Variants in ZNF253 observed in about 807,000 individuals in gnomAD.
The protein encoded by ZNF253 is DNA-binding protein.
In ZNF253, 8 loss-of-function variants were observed where a neutral mutation model predicts 11.9. The ratio of observed to expected loss-of-function variants is 0.67; its 90% CI spans 0.40 to 1.22. The LOEUF (loss-of-function observed/expected upper bound fraction) is 1.22. Ranked by LOEUF, ZNF253 falls within the 50% of genes most tolerant of loss-of-function variation. The probability of loss-of-function intolerance (pLI) is 0.01; values close to 1 mark genes in which losing one functional copy is unlikely to be tolerated. For synonymous variants in ZNF253, 194 were observed against 194.9 expected, an observed-to-expected ratio of 1.00 and a Z score of 0.04; for missense variants, 485 against 586.9, an observed-to-expected ratio of 0.83 and a Z score of 1.79.
chr19:19,874,960 A>C (rs1057417288), intron 1 of ZNF253, among the ~76,000 whole-genome samples: 1 of 152,222 alleles, frequency 6.6e-6, no homozygotes, highest in African/African-American at 2.4e-5. Flanking sequence ...AGTTTCTTTT[A>C]GATAAGCTTA....
chr19:19,885,681 G>A (rs967885957), intron 3 of ZNF253, among the ~76,000 whole-genome samples: 21 of 152,116 alleles, frequency 1.4e-4, no homozygotes, highest in African/African-American at 4.1e-4. Context: ...ATCAGCCACC[G>A]TGCCCGGCTT....
intron 3 of ZNF253, among the ~76,000 whole-genome samples, chr19:19,882,270 A>G (rs540666376): frequency 2.0e-5 from 3 of 152,174 alleles, no homozygotes; most frequent in South Asian, 4.2e-4. Flanking sequence ...AATTTGATGG[A>G]GCAAACACCT....
chr19:19,869,542 A>G (rs1438530578), intron 1 of ZNF253, among the ~76,000 whole-genome samples: 2 of 149,976 alleles, frequency 1.3e-5, no homozygotes, highest in African/African-American at 4.9e-5. Context: ...TGTATTTTTA[A>G]TAGAGATGCG....
intron 3 of ZNF253, among the ~76,000 whole-genome samples, chr19:19,885,717 G>A (rs1417416438): frequency 6.6e-6 from 1 of 152,024 alleles, no homozygotes; most frequent in Middle Eastern, 3.2e-3. Context: ...TAAAATATTT[G>A]TTAGTTTATT....
chr19:19,885,650 C>A (rs2063203749), intron 3 of ZNF253, among the ~76,000 whole-genome samples: 1 of 152,062 alleles, frequency 6.6e-6, no homozygotes, highest in Admixed American at 6.6e-5. Flanking sequence ...CTCGGCCTCC[C>A]AAAGTGCTGG....
chr19:19,882,079 C>G (rs1285612192), intron 3 of ZNF253, among the ~76,000 whole-genome samples: 1 of 151,860 alleles, frequency 6.6e-6, no homozygotes, highest in East Asian at 1.9e-4. Flanking sequence ...ATCCCAGCTC[C>G]TTAGGAGGCT....
intron 1 of ZNF253, among the ~76,000 whole-genome samples, chr19:19,870,360 C>T (rs1172105395): frequency 6.6e-6 from 1 of 150,788 alleles, no homozygotes; most frequent in Non-Finnish European, 1.5e-5. Flanking sequence ...CCATTTCACT[C>T]CAGCCTGGGT....
intron 1 of ZNF253, among the ~76,000 whole-genome samples, chr19:19,866,559 C>T (rs183205392): frequency 4.0e-5 from 6 of 149,502 alleles, no homozygotes; most frequent in Admixed American, 3.4e-4. Flanking sequence ...AGTACAATGG[C>T]GCGATCTCGG....
In ZNF253 at chr19:19,887,600, T is replaced by C. The variant is rs532972909; in HGVS notation, c.227-3874T>C. Among the ~76,000 whole-genome samples, 118 of 152,208 alleles carry C rather than the reference T, an allele frequency of 7.8e-4. 1 individual carries two copies. The highest frequency in any genetic ancestry group is 2.7e-3 in the African/African-American group (112 of 41,534). On this transcript the variant is annotated intron_variant, in intron 3 of 3. Coordinates refer to ENST00000589717, the MANE Select transcript of ZNF253 (RefSeq NM_021047.3). ...GACTTAAAGTACATTTTATAAAATA[T>C]GACAGTTTTTGACTTTAAGATGTAG...
At chr19:19,879,655 T>TA (rs2063169264) in intron 2 of ZNF253, among the ~76,000 whole-genome samples, 1 of 152,132 alleles carries the variant, frequency 6.6e-6, no homozygotes, top group Admixed American at 6.5e-5. Context: ...TAACGCCCAA[T>TA]AAAAAAGAAT....
intron 1 of ZNF253, among the ~76,000 whole-genome samples, chr19:19,874,738 C>T (rs952213936): frequency 2.0e-5 from 3 of 151,934 alleles, no homozygotes; most frequent in Non-Finnish European, 4.4e-5. Flanking sequence ...GGTGAAACCC[C>T]GTCTCTACTA....
At chr19:19,881,666 A>G (rs976496904) in intron 3 of ZNF253, among the ~76,000 whole-genome samples, 1 of 147,308 alleles carries the variant, frequency 6.8e-6, no homozygotes, top group Middle Eastern at 3.2e-3. Context: ...AAAAAAAAAA[A>G]GTGTATGAAA....
At position 19,869,344 on chromosome 19, in the gene ZNF253, T is replaced by C. The variant is rs574173595; in HGVS notation, c.3+3345T>C. ...TTAGGATAGTTATGTGTAGGGTTTG[T>C]AGGCAAACTGCATTAATATAAATTA... On this transcript the variant is annotated intron_variant, in intron 1 of 3. Coordinates refer to ENST00000589717, the MANE Select transcript of ZNF253 (RefSeq NM_021047.3). Among the ~76,000 whole-genome samples, 6 of 152,260 alleles carry C rather than the reference T, an allele frequency of 3.9e-5. No individual in the cohort carries two copies. In the East Asian group the frequency reaches 1.2e-3, roughly 29 times the overall value.
In ZNF253 at chr19:19,885,168, C is replaced by T. The variant is rs143895098; in HGVS notation, c.226+5022C>T. Among the ~76,000 whole-genome samples the T allele has an allele frequency of 3.6e-3, 547 of 151,690 alleles. 4 individuals carry two copies. Among genetic ancestry groups the T allele is most frequent in the Non-Finnish European group, 3.3e-3 (223 of 67,904 alleles). ...TATTTGTTGCTCATACATTTAATGT[C>T]GTACCTAAAAAAATGGTGCCAAGAC... On this transcript the variant is annotated intron_variant, in intron 3 of 3. Transcript: ENST00000589717.
Position 19,876,072 on chromosome 19 carries a change from G to T in ZNF253, c.4-2409G>T, listed in dbSNP as rs117690719. 3.1e-3 allele frequency among the ~76,000 whole-genome samples: 476 copies of T among 152,280 alleles called. 8 individuals are homozygous for T. In the East Asian group the frequency reaches 0.054, roughly 17 times the overall value. ...AATATAAAACTTTAGGATGGAGTTGGGTTGTCTTTATTTGTACCAGAAGTA... is the reference window on the plus strand; with the variant it reads ...AATATAAAACTTTAGGATGGAGTTGTGTTGTCTTTATTTGTACCAGAAGTA... On this transcript the variant is annotated intron_variant, in intron 1 of 3. Transcript: ENST00000589717.
intron 1 of ZNF253, among the ~76,000 whole-genome samples, chr19:19,875,989 A>G (rs1407462782): frequency 6.6e-6 from 1 of 152,176 alleles, no homozygotes; most frequent in Non-Finnish European, 1.5e-5. Flanking sequence ...TTAAATATAG[A>G]CTTATTCAGA....
chr19:19,874,837 G>A (rs555986146), intron 1 of ZNF253, among the ~76,000 whole-genome samples: 16 of 149,744 alleles, frequency 1.1e-4, no homozygotes, highest in Non-Finnish European at 1.8e-4. Context: ...GCGTGAACCC[G>A]GGAGGCGGAG....
chr19:19,893,443 G>A lies in ZNF253; in HGVS notation c.*696G>A, dbSNP rs2063242594. 6.6e-6 allele frequency: 1 copy of A among 152,184 alleles called. No homozygotes were observed. The highest frequency in any genetic ancestry group is 2.1e-4 in the South Asian group (1 of 4,826). 9.4% of individuals were successfully genotyped at this position (152,184 alleles called of 1,614,324 possible). The stretch of plus-strand genomic sequence containing the variant: ...CTATACATAAAAATAAATTATACTA[G>A]TGTAATACCCTAGAAATGTATAAAA... On this transcript the variant is annotated 3_prime_UTR_variant, in exon 4 of 4. Transcript: ENST00000589717.
chr19:19,889,526 A>G (rs536051929), intron 3 of ZNF253, among the ~76,000 whole-genome samples: 71 of 152,190 alleles, frequency 4.7e-4, no homozygotes, highest in African/African-American at 1.5e-3. Flanking sequence ...TTGTATTTTT[A>G]GTAGAGATAG....
Sources: gnomAD v4.1 joint callset for allele counts (sites outside exome capture counted in the v4.1 genomes callset) on GRCh38, gnomAD v4.1.1 for gene constraint, MANE v1.5 for transcripts, NCBI Gene and HGNC (gene_info 2026-07-23, HGNC 2026-07-21) for gene names.